Variants in FRMPD2 observed in about 807,000 individuals in gnomAD.
FRMPD2 encodes the protein FERM and PDZ domain-containing protein 2.
FRMPD2 carries 96 observed loss-of-function variants against 140.1 expected under a neutral mutation model. That is an observed-to-expected ratio of 0.69 (90% CI 0.58 to 0.81). The LOEUF (loss-of-function observed/expected upper bound fraction) is 0.81, where lower values mean the gene tolerates loss of function less well. Among genes scored for constraint, FRMPD2 ranks in the 40% least tolerant of loss-of-function variants. The pLI is 0.00. For missense variants in FRMPD2, 1,240 were observed against 1,447.4 expected (o/e 0.86, Z 2.32); for synonymous variants, 449 against 547.6 (o/e 0.82, Z 2.52).
chr10:48,264,541 C>T (rs565437656), intron 1 of FRMPD2, among the ~76,000 whole-genome samples: 7 of 151,792 alleles, frequency 4.6e-5, no homozygotes, highest in African/African-American at 7.2e-5. Flanking sequence ...TATATTAACA[C>T]CAAAAAATTT....
In FRMPD2 at chr10:48,211,994, G is replaced by T. The variant is rs1361195709; in HGVS notation, c.1571C>A (p.Ser524Tyr). Residue 524 changes from serine to tyrosine, a missense_variant, in exon 13 of 29, where the codon TCT (serine) becomes TAT (tyrosine). Physicochemically the swap from Ser to Tyr is moderately radical, Grantham distance 144. Around this residue, in one of 6 missense-constraint regions of FRMPD2, gnomAD observed 1,161 missense variants for 1,055.9 expected, o/e 1.10. Transcript: ENST00000374201. ...CTCAGCATCCTCTCCCCACAGTGCA[G>T]AGCTGAGCCGGTGCATCTCTGAGAC... The part of the protein sequence containing the change: ...VEVSEMHRLS[S>Y]ALWGEDAELK... The T allele has an allele frequency of 6.2e-7, 1 of 1,613,958 alleles. No individual in the cohort carries two copies. Among genetic ancestry groups the T allele is most frequent in the Non-Finnish European group, 8.5e-7 (1 of 1,180,018 alleles).
chr10:48,186,981 C>T (rs567265179), intron 17 of FRMPD2, among the ~76,000 whole-genome samples: 2 of 152,236 alleles, frequency 1.3e-5, no homozygotes, highest in Admixed American at 6.5e-5. Flanking sequence ...GGATTGTCTT[C>T]GCCAGAGCTG....
intron 12 of FRMPD2, among the ~76,000 whole-genome samples, chr10:48,212,647 G>A (rs1839355959): frequency 6.6e-6 from 1 of 152,138 alleles, no homozygotes; most frequent in Non-Finnish European, 1.5e-5. Context: ...TCACCAAGGA[G>A]GTCTTAGCTT....
At chr10:48,259,844 C>G (rs748113823) in intron 1 of FRMPD2, among the ~76,000 whole-genome samples, 1 of 151,886 alleles carries the variant, frequency 6.6e-6, no homozygotes, top group Non-Finnish European at 1.5e-5. Context: ...AACAGCAAGG[C>G]CCAGATTCTA....
At chr10:48,239,547 G>A (rs959345061) in intron 7 of FRMPD2, 58 bp downstream of exon 7, 27 of 1,224,226 alleles carry the variant, frequency 2.2e-5, no homozygotes, top group South Asian at 1.2e-4. Flanking sequence ...AGGTACCATA[G>A]CCCCCACACC....
intron 13 of FRMPD2, among the ~76,000 whole-genome samples, chr10:48,211,262 C>T (rs2131882415): frequency 6.6e-6 from 1 of 152,350 alleles, no homozygotes; most frequent in Middle Eastern, 3.4e-3. Flanking sequence ...GACTGCAGTG[C>T]CACTGTTTTT....
In FRMPD2 at chr10:48,206,768, T is replaced by C. The variant is rs1458361480; in HGVS notation, c.1777A>G (p.Thr593Ala). ...CTCACATAAGTAGAAATCTTCCCGGTTTCTCTCCACTGAAACCGTAACATT... is the reference window on the plus strand; with the variant it reads ...CTCACATAAGTAGAAATCTTCCCGGCTTCTCTCCACTGAAACCGTAACATT... Reference protein sequence around the residue: ...IAMLRFQWRETGKISTYQKKF... With the variant: ...IAMLRFQWREAGKISTYQKKF... The change falls in exon 14 of 29, where the codon ACC becomes GCC. Residue 593 changes from threonine (T) to alanine (A), a missense_variant. Coordinates refer to ENST00000374201, the MANE Select transcript of FRMPD2 (RefSeq NM_001018071.4). 2 of 1,613,892 alleles carry C rather than the reference T, an allele frequency of 1.2e-6. No individual in the cohort carries two copies. The highest frequency in any genetic ancestry group is 2.7e-5 in the African/African-American group (2 of 74,930).
intron 20 of FRMPD2, among the ~76,000 whole-genome samples, chr10:48,183,850 T>TAAAAAA (rs1564417711): frequency 3.9e-5 from 1 of 25,514 alleles, no homozygotes; most frequent in African/African-American, 1.8e-4. Flanking sequence ...AGACTCCATC[T>TAAAAAA]CAAAAAAAAA....
Position 48,240,504 on chromosome 10 carries a change from G to A in FRMPD2, c.568-12C>T. ...ACTCTTTTCTCCACCTGGGGGTCAA[G>A]TGCATCACACATCCACATCCCAAGA... is the stretch of plus-strand genomic sequence containing the variant. On this transcript the variant is annotated splice_polypyrimidine_tract_variant and intron_variant, in intron 5 of 28. Transcript: ENST00000374201. 6.2e-7 allele frequency: 1 copy of A among 1,613,482 alleles called. No individual in the cohort carries two copies. The highest frequency in any genetic ancestry group is 1.1e-5 in the South Asian group (1 of 91,088).
chr10:48,184,399 CA>C (rs2131836705), intron 20 of FRMPD2, among the ~76,000 whole-genome samples, 166 bp downstream of exon 20: 1 of 152,224 alleles, frequency 6.6e-6, no homozygotes, highest in East Asian at 1.9e-4. Context: ...CCTGAAATTG[CA>C]AAGCTTATTA....
chr10:48,176,421 C>T (rs1322655696), intron 22 of FRMPD2: 1 of 155,008 alleles, frequency 6.5e-6, no homozygotes, highest in Non-Finnish European at 1.4e-5. Context: ...CTTTGTATGA[C>T]AGTACCATTT....
At chr10:48,244,721 GAAA>G (rs1840204038) in intron 4 of FRMPD2, 60 bp downstream of exon 4, 1 of 1,291,726 alleles carries the variant, frequency 7.7e-7, no homozygotes, top group Non-Finnish European at 1.1e-6. Context: ...CTGCCCAGGA[GAAA>G]ACCACTAAAT....
intron 28 of FRMPD2, among the ~76,000 whole-genome samples, chr10:48,162,940 A>C (rs1375762579): frequency 7.0e-6 from 1 of 142,652 alleles, no homozygotes; most frequent in Non-Finnish European, 1.5e-5. Context: ...AAAAAAAAAA[A>C]GCTGATGTTG....
intron 12 of FRMPD2, among the ~76,000 whole-genome samples, chr10:48,216,592 G>A (rs1163799091): frequency 6.6e-6 from 1 of 152,204 alleles, no homozygotes; most frequent in African/African-American, 2.4e-5. Context: ...GTTAGCAGTT[G>A]TGTCATTTTA....
intron 13 of FRMPD2, among the ~76,000 whole-genome samples, chr10:48,211,121 C>A (rs72792228): frequency 0.052 from 7,959 of 152,346 alleles, 283 homozygotes; most frequent in Non-Finnish European, 0.078. Flanking sequence ...CAGTCCTCCC[C>A]ACAAGACATG....
At chr10:48,203,490 G>A (rs898558436) in intron 14 of FRMPD2, among the ~76,000 whole-genome samples, 4 of 152,150 alleles carry the variant, frequency 2.6e-5, no homozygotes, top group African/African-American at 9.7e-5. Flanking sequence ...CATTAGGTTG[G>A]TGCAATTACT....
intron 1 of FRMPD2, among the ~76,000 whole-genome samples, chr10:48,257,327 T>G (rs1840508726): frequency 6.6e-6 from 1 of 152,094 alleles, no homozygotes; most frequent in Non-Finnish European, 1.5e-5. Context: ...TCGCCCTGGC[T>G]GGAGTGTAGT....
At chr10:48,197,983 T>G (rs1838992160) in intron 15 of FRMPD2, among the ~76,000 whole-genome samples, 1 of 152,176 alleles carries the variant, frequency 6.6e-6, no homozygotes, top group Non-Finnish European at 1.5e-5. Context: ...AACAGTAAAT[T>G]ATGAACATAA....
At chr10:48,260,421 A>T (rs1840565648) in intron 1 of FRMPD2, among the ~76,000 whole-genome samples, 1 of 152,116 alleles carries the variant, frequency 6.6e-6, no homozygotes, top group African/African-American at 2.4e-5. Flanking sequence ...GCTGGGTAGG[A>T]AAAAAGGGAT....
Sources: allele counts gnomAD v4.1 joint callset (sites outside exome capture counted in the v4.1 genomes callset), GRCh38; gene constraint gnomAD v4.1.1; regional missense constraint gnomAD v4.1.1; transcripts MANE v1.5; gene names NCBI Gene and HGNC (gene_info 2026-07-23, HGNC 2026-07-21).